GATAD1: variants seen among roughly 807,000 people sequenced by gnomAD.
GATAD1 encodes GATA zinc finger domain-containing protein 1.
Under a neutral mutation model 26.5 loss-of-function variants are expected in GATAD1, and 12 were observed. The observed-to-expected ratio is 0.45, with a 90% CI of 0.29 to 0.73. The LOEUF is 0.73. Among genes scored for constraint, GATAD1 ranks in the 30% least tolerant of loss-of-function variants. The probability of loss-of-function intolerance (pLI) is 0.10; values close to 1 mark genes in which losing one functional copy is unlikely to be tolerated. For synonymous variants in GATAD1, 129 were observed against 133.1 expected, an observed-to-expected ratio of 0.97 and a Z score of 0.21; for missense variants, 266 against 342.1, an observed-to-expected ratio of 0.78 and a Z score of 1.75.
At chr7:92,490,867 C>A in the GATAD1 span, among the ~76,000 whole-genome samples, 1 of 152,178 alleles carries the variant, frequency 6.6e-6, no homozygotes, top group Admixed American at 6.5e-5. Context: ...GCTTACTATG[C>A]AGCAAAAGTA....
the GATAD1 span, chr7:92,469,708 G>A: frequency 5.2e-6 from 4 of 764,076 alleles, no homozygotes; most frequent in Non-Finnish European, 9.6e-6. Context: ...TTCCAGATTG[G>A]AAACAAGAGG....
At position 92,455,137 on chromosome 7, in the gene GATAD1, C is replaced by CA. The variant is rs1353094460; in HGVS notation, c.619+459dup. 9.9e-5 allele frequency among the ~76,000 whole-genome samples: 15 copies of CA among 151,444 alleles called. No individual in the cohort carries two copies. In the East Asian group the frequency reaches 2.5e-3, roughly 25 times the overall value. ...GGGGGGGATGCAATTCAGTCCATAA[C>CA]AAAAAAAGCATGAGTATTATTAAGT... On this transcript the variant is annotated intron_variant, in intron 4 of 4. Coordinates refer to ENST00000287957, the MANE Select transcript of GATAD1 (RefSeq NM_021167.5).
At chr7:92,479,172 C>T in the GATAD1 span, among the ~76,000 whole-genome samples, 1 of 152,208 alleles carries the variant, frequency 6.6e-6, no homozygotes, top group Non-Finnish European at 1.5e-5. Flanking sequence ...CTTAAAACCA[C>T]TCCATGTGTG....
chr7:92,468,651 A>G, the GATAD1 span: 1 of 594,870 alleles, frequency 1.7e-6, no homozygotes, highest in Non-Finnish European at 3.0e-6. Context: ...TCACCTTCCC[A>G]GCTAGGCTTA....
chr7:92,490,099 T>G, the GATAD1 span: 3 of 617,208 alleles, frequency 4.9e-6, no homozygotes, highest in Non-Finnish European at 8.6e-6. Flanking sequence ...CACTGATACC[T>G]GTGTTATAGA....
At chr7:92,489,861 T>A in the GATAD1 span, 6 of 1,614,068 alleles carry the variant, frequency 3.7e-6, no homozygotes, top group Non-Finnish European at 5.1e-6. Context: ...TCCCAGGAAC[T>A]CCAGGCAAAT....
chr7:92,492,894 G>T, the GATAD1 span: 2 of 1,311,394 alleles, frequency 1.5e-6, no homozygotes, highest in South Asian at 2.4e-5. Context: ...TGGAAATTTT[G>T]ACATTGTACT....
At chr7:92,482,394 C>A in the GATAD1 span, among the ~76,000 whole-genome samples, 1 of 152,130 alleles carries the variant, frequency 6.6e-6, no homozygotes, top group Admixed American at 6.5e-5. Flanking sequence ...TCTGAACTAA[C>A]CTGTAAGACT....
At chr7:92,489,445 A>G in the GATAD1 span, 1 of 1,606,804 alleles carries the variant, frequency 6.2e-7, no homozygotes, top group Non-Finnish European at 8.5e-7. Context: ...AAAGAAATTG[A>G]CGAAGAGTTA....
chr7:92,459,973 TA>T lies in GATAD1; in HGVS notation c.*3412del. ...AGATTGTTACATTCTGGGTTAGTAT[TA>T]GATTGTTTTTAAGATTGTTTTAAAC... On this transcript the variant is annotated 3_prime_UTR_variant, in exon 5 of 5. Transcript: ENST00000287957. Among the ~76,000 whole-genome samples the T allele has an allele frequency of 6.6e-6, 1 of 152,364 alleles. No individual in the cohort carries two copies. The highest frequency in any genetic ancestry group is 1.9e-4 in the East Asian group (1 of 5,184).
Position 92,460,075 on chromosome 7 carries a change from A to T in GATAD1, c.*3513A>T, listed in dbSNP as rs1789864590. Among the ~76,000 whole-genome samples the T allele has an allele frequency of 6.6e-6, 1 of 152,226 alleles. No individual in the cohort carries two copies. Among genetic ancestry groups the T allele is most frequent in the Non-Finnish European group, 1.5e-5 (1 of 68,042 alleles). On this transcript the variant is annotated 3_prime_UTR_variant, in exon 5 of 5. Transcript: ENST00000287957. ...TTAATATGAGTATTTGAAGGAAATT[A>T]TCCCAAACCATTCCAGTTCCTGGCT...
chr7:92,449,571 A>T (rs1789330128), intron 2 of GATAD1: 1 of 975,992 alleles, frequency 1.0e-6, no homozygotes, highest in Non-Finnish European at 1.2e-6. Context: ...TCAGAACAGG[A>T]ATGTTTCACT....
At chr7:92,469,027 A>C in the GATAD1 span, 1 of 721,528 alleles carries the variant, frequency 1.4e-6, no homozygotes, top group Non-Finnish European at 2.5e-6. Flanking sequence ...TAGAGGTCCT[A>C]AGAAGGGGAG....
At chr7:92,469,245 G>C in the GATAD1 span, 7 of 763,952 alleles carry the variant, frequency 9.2e-6, no homozygotes, top group African/African-American at 1.7e-5. Context: ...GATTTTGAAG[G>C]ACTACTGCTG....
intron 4 of GATAD1, among the ~76,000 whole-genome samples, chr7:92,455,584 TA>T (rs1789635841): frequency 6.6e-6 from 1 of 152,210 alleles, no homozygotes; most frequent in African/African-American, 2.4e-5. Flanking sequence ...ATACAATTTT[TA>T]AAGTTTTCAG....
At chr7:92,472,963 T>G in the GATAD1 span, 1 of 152,230 alleles carries the variant, frequency 6.6e-6, no homozygotes. Flanking sequence ...GAAGGACAAG[T>G]GTCCAGGTAT....
At chr7:92,491,120 A>T in the GATAD1 span, 1 of 621,712 alleles carries the variant, frequency 1.6e-6, no homozygotes, top group Non-Finnish European at 2.9e-6. Context: ...GCAAATTACC[A>T]ATTAGTGTAA....
At position 92,456,805 on chromosome 7, in the gene GATAD1, TAAAC is replaced by T. The variant is rs1291451215; in HGVS notation, c.*247_*250del. The T allele has an allele frequency of 2.4e-6, 1 of 420,264 alleles. No homozygotes were observed. The highest frequency in any genetic ancestry group is 4.2e-6 in the Non-Finnish European group (1 of 240,552). 26.0% of individuals were successfully genotyped at this position (420,264 alleles called of 1,614,324 possible). On this transcript the variant is annotated 3_prime_UTR_variant, in exon 5 of 5. Transcript: ENST00000287957. Reference sequence around the variant, plus strand: ...AAGTTTTTCTCCTGCTACCTAGTAATAAACAAATCATTGTTTATTACTGGTCACT... The same window carrying T: ...AAGTTTTTCTCCTGCTACCTAGTAATAAATCATTGTTTATTACTGGTCACT...
intron 3 of GATAD1, 105 bp from the exon 4 acceptor site, chr7:92,454,397 C>T (rs1175781673): frequency 1.2e-5 from 10 of 830,154 alleles, no homozygotes; most frequent in African/African-American, 1.0e-4. Context: ...ATCTCGAACA[C>T]CTTTTACTGA....
Sources: allele counts gnomAD v4.1 joint callset (sites outside exome capture counted in the v4.1 genomes callset), GRCh38; gene constraint gnomAD v4.1.1; transcripts MANE v1.5; gene names NCBI Gene and HGNC (gene_info 2026-07-23, HGNC 2026-07-21).